Variants in HYDIN observed in about 807,000 individuals in gnomAD.
The protein encoded by HYDIN is HYDIN axonemal central pair apparatus protein.
HYDIN carries 132 observed loss-of-function variants against 403.9 expected under a neutral mutation model. That is an observed-to-expected ratio of 0.33 (90% CI 0.28 to 0.38). The LOEUF is 0.38. HYDIN is among the 10% of genes least tolerant of loss of function. HYDIN has a pLI of 1.00. For synonymous variants in HYDIN, 1,202 were observed against 1,891.7 expected, an observed-to-expected ratio of 0.64 and a Z score of 9.46; for missense variants, 2,827 against 5,009.5, an observed-to-expected ratio of 0.56 and a Z score of 13.15.
chr16:71,112,763 T>C (rs1239900435), intron 10 of HYDIN, among the ~76,000 whole-genome samples: 1 of 152,140 alleles, frequency 6.6e-6, no homozygotes, highest in East Asian at 1.9e-4. Flanking sequence ...AAAAATGGAA[T>C]AGCTCACAGA....
chr16:71,032,359 C>T (rs2080946046), intron 18 of HYDIN, among the ~76,000 whole-genome samples: 1 of 146,134 alleles, frequency 6.8e-6, no homozygotes, highest in South Asian at 2.1e-4. Flanking sequence ...TTTTCAAATG[C>T]AAAATTTCTA....
chr16:71,209,884 G>A (rs1290598544), intron 1 of HYDIN, among the ~76,000 whole-genome samples: 1 of 152,134 alleles, frequency 6.6e-6, no homozygotes, highest in Non-Finnish European at 1.5e-5. Context: ...AGAAATCAGA[G>A]ACAACACAAA....
Position 70,834,296 on chromosome 16 carries a change from C to T in HYDIN, c.13402-132G>A. ...CCTGCTCTCCCATCAGCTGTGTATG[C>T]TTTGGTAAATTACTTCAACTTTCTG... On this transcript the variant is annotated intron_variant, in intron 78 of 85. Coordinates refer to ENST00000393567, the MANE Select transcript of HYDIN (RefSeq NM_001270974.2). The T allele has an allele frequency of 5.0e-6, 3 of 595,906 alleles. No individual in the cohort carries two copies. In the South Asian group the frequency reaches 6.2e-5, roughly 12 times the overall value. The allele number at this position is 595,906 out of a possible 1,614,324, so 36.9% of individuals were successfully genotyped here. A position where few individuals can be genotyped will look rare whatever the true frequency, so the allele number is the denominator to read the frequency against.
chr16:70,913,206 G>A (rs1171998330), intron 47 of HYDIN, among the ~76,000 whole-genome samples: 4 of 150,826 alleles, frequency 2.7e-5, no homozygotes, highest in Non-Finnish European at 5.9e-5. Context: ...TGTTTCTCTA[G>A]TTCCTTGAGG....
intron 30 of HYDIN, among the ~76,000 whole-genome samples, chr16:70,977,939 C>T (rs547403216): frequency 6.6e-6 from 1 of 151,832 alleles, no homozygotes; most frequent in East Asian, 2.0e-4. Flanking sequence ...GACATACTTC[C>T]TAGGGAATCT....
chr16:71,141,302 C>G (rs1430145920), intron 7 of HYDIN, among the ~76,000 whole-genome samples: 1 of 148,872 alleles, frequency 6.7e-6, no homozygotes, highest in Non-Finnish European at 1.5e-5. Flanking sequence ...AAACATATCT[C>G]ATATCTTATA....
At chr16:71,213,036 A>G (rs2088680381) in intron 1 of HYDIN, among the ~76,000 whole-genome samples, 1 of 152,178 alleles carries the variant, frequency 6.6e-6, no homozygotes, top group South Asian at 2.1e-4. Context: ...TGATGCATTC[A>G]AATGTAGTGA....
Position 71,172,877 on chromosome 16 carries a change from CT to C in HYDIN, c.516+2729del, listed in dbSNP as rs532113630. Among the ~76,000 whole-genome samples the C allele has an allele frequency of 2.6e-5, 4 of 152,312 alleles. No individual in the cohort carries two copies. The South Asian group carries it at 6.2e-4, about 24-fold the overall frequency. On this transcript the variant is annotated intron_variant, in intron 5 of 85. Coordinates refer to ENST00000393567, the MANE Select transcript of HYDIN (RefSeq NM_001270974.2). ...TTGGCCAAGTGAAGAAACAGTGACA[CT>C]TGGTGAAATGAATGACTTTTATTTT...
intron 41 of HYDIN, among the ~76,000 whole-genome samples, chr16:70,951,230 G>C (rs1201261403): frequency 6.7e-6 from 1 of 148,384 alleles, no homozygotes; most frequent in Non-Finnish European, 1.5e-5. Flanking sequence ...GTGAGACCCT[G>C]ACTCTAGGGA....
chr16:71,031,056 C>T (rs2080888987), intron 19 of HYDIN, among the ~76,000 whole-genome samples: 1 of 149,892 alleles, frequency 6.7e-6, no homozygotes, highest in African/African-American at 2.4e-5. Context: ...AAAAATTAGC[C>T]AGGCGTGGTG....
At chr16:70,865,087 T>A (rs2039665989) in intron 67 of HYDIN, 1 of 211,496 alleles carries the variant, frequency 4.7e-6, no homozygotes, top group African/African-American at 2.3e-5. Context: ...TAATTACTAA[T>A]TTGTATGCAG....
At chr16:70,902,462 A>G (rs542673072) in intron 52 of HYDIN, among the ~76,000 whole-genome samples, 1 of 150,578 alleles carries the variant, frequency 6.6e-6, no homozygotes, top group Non-Finnish European at 1.5e-5. Flanking sequence ...AAAAATACAA[A>G]AAGTTAGCTG....
intron 58 of HYDIN, among the ~76,000 whole-genome samples, chr16:70,884,680 TAAAAC>T (rs60100896): frequency 0.32 from 46,362 of 145,786 alleles, 6,301 homozygotes; most frequent in Non-Finnish European, 0.37. Context: ...GAATTAGTGC[TAAAAC>T]AAAACAAAAC....
intron 53 of HYDIN, among the ~76,000 whole-genome samples, chr16:70,900,797 G>A (rs2076349447): frequency 6.9e-6 from 1 of 145,310 alleles, no homozygotes; most frequent in Admixed American, 6.9e-5. Flanking sequence ...CCTGGCACTG[G>A]GGAATCAGCC....
rs758424046 is a variant in HYDIN, at chr16:71,067,283, G to T, written c.2075+7C>A. ...ACTCAGGAGAAGAGCAAGCTGGGGA[G>T]CAATACCTTGCTGTAATTAAGAGCG... On this transcript the variant is annotated splice_region_variant and intron_variant, in intron 15 of 85. Transcript: ENST00000393567. The T allele has an allele frequency of 1.9e-6, 3 of 1,592,744 alleles. No individual in the cohort carries two copies. The highest frequency in any genetic ancestry group is 2.7e-5 in the African/African-American group (2 of 74,178).
intron 45 of HYDIN, among the ~76,000 whole-genome samples, chr16:70,929,953 G>T (rs1177769545): frequency 1.3e-5 from 2 of 152,224 alleles, no homozygotes; most frequent in African/African-American, 2.4e-5. Context: ...GCGTGGGAAT[G>T]AACAACCAGC....
In HYDIN at chr16:70,883,948, G is replaced by A. The variant is rs369634198; in HGVS notation, c.9951C>T (p.Tyr3317=). 41 of 1,613,820 alleles carry A rather than the reference G, an allele frequency of 2.5e-5. No homozygotes were observed. Among genetic ancestry groups the A allele is most frequent in the Non-Finnish European group, 3.5e-5 (41 of 1,180,038 alleles). ...DPAVHPAGIL[Y]TLLAEACLPA... ...GTAGACAGGCTTCAGCTAGCAAAGTGTAAAGAATGCCGGCAGGGTGGACTG... is the reference window on the plus strand; with the variant it reads ...GTAGACAGGCTTCAGCTAGCAAAGTATAAAGAATGCCGGCAGGGTGGACTG... The change falls in exon 59 of 86, where the codon TAC becomes TAT. Residue 3317 remains tyrosine, a synonymous_variant. Transcript: ENST00000393567.
intron 8 of HYDIN, among the ~76,000 whole-genome samples, chr16:71,135,182 A>G (rs2084868876): frequency 6.6e-6 from 1 of 152,026 alleles, no homozygotes; most frequent in Non-Finnish European, 1.5e-5. Context: ...CTTGTTACAA[A>G]GAAGTTGCCA....
At chr16:71,171,928 C>G (rs936221010) in intron 5 of HYDIN, among the ~76,000 whole-genome samples, 5 of 152,176 alleles carry the variant, frequency 3.3e-5, no homozygotes, top group African/African-American at 1.2e-4. Flanking sequence ...GTGCCAGGTA[C>G]TGGGGCTACA....
Sources: gnomAD v4.1 joint callset for allele counts (sites outside exome capture counted in the v4.1 genomes callset) on GRCh38, gnomAD v4.1.1 for gene constraint, MANE v1.5 for transcripts, NCBI Gene and HGNC (gene_info 2026-07-23, HGNC 2026-07-21) for gene names.